The following C17orf67 variants were observed in gnomAD, a reference collection of about 807,000 sequenced individuals.
The protein encoded by C17orf67 is uncharacterized protein C17orf67.
Under a neutral mutation model 11.2 loss-of-function variants are expected in C17orf67, and 12 were observed. The ratio of observed to expected loss-of-function variants is 1.07; its 90% CI spans 0.68 to 1.73. The LOEUF is 1.73. C17orf67 is among the 40% of genes most tolerant of loss of function. C17orf67 has a pLI of 0.00. For missense variants in C17orf67, 115 were observed against 113.5 expected, an observed-to-expected ratio of 1.01 and a Z score of -0.06; for synonymous variants, 59 against 46.9, an observed-to-expected ratio of 1.26 and a Z score of -1.05.
chr17:56,796,054 T>C (rs1005742127), intron 6 of C17orf67, among the ~76,000 whole-genome samples: 1 of 152,196 alleles, frequency 6.6e-6, no homozygotes, highest in Admixed American at 6.5e-5. Flanking sequence ...GCTATGCTAA[T>C]ATCAAACAAA....
At chr17:56,814,599 C>T (rs1007532498) in intron 6 of C17orf67, among the ~76,000 whole-genome samples, 5 of 152,150 alleles carry the variant, frequency 3.3e-5, no homozygotes, top group Non-Finnish European at 7.4e-5. Flanking sequence ...ACAGGGGTGA[C>T]ATTCAGCAGC....
At chr17:56,814,011 A>G (rs1044786193) in intron 6 of C17orf67, among the ~76,000 whole-genome samples, 11 of 152,214 alleles carry the variant, frequency 7.2e-5, no homozygotes, top group Admixed American at 3.3e-4. Context: ...TATCTTAATA[A>G]GAGCCTTTAA....
At chr17:56,823,103 C>G (rs1183455307) in intron 4 of C17orf67, among the ~76,000 whole-genome samples, 1 of 152,214 alleles carries the variant, frequency 6.6e-6, no homozygotes, top group African/African-American at 2.4e-5. Context: ...AATAAACATA[C>G]TAGGGGAGTG....
chr17:56,816,997 G>A (rs925202768), intron 4 of C17orf67, among the ~76,000 whole-genome samples: 13 of 151,974 alleles, frequency 8.6e-5, no homozygotes, highest in African/African-American at 2.7e-4. Context: ...CTACAGGCAC[G>A]CACCACAACA....
At chr17:56,796,773 CCT>C (rs912741049) in intron 6 of C17orf67, among the ~76,000 whole-genome samples, 1 of 152,102 alleles carries the variant, frequency 6.6e-6, no homozygotes, top group African/African-American at 2.4e-5. Flanking sequence ...ACTCCTCACC[CCT>C]CTCTCTGTCC....
intron 7 of C17orf67, among the ~76,000 whole-genome samples, chr17:56,792,676 G>GTGGCAAT (rs1905128564): frequency 9.9e-6 from 1 of 101,226 alleles, no homozygotes; most frequent in Non-Finnish European, 2.5e-5. Flanking sequence ...GGTGATGATG[G>GTGGCAAT]GGTTGATGGT....
chr17:56,822,691 TAA>T (rs1905934544), intron 4 of C17orf67, among the ~76,000 whole-genome samples: 1 of 152,196 alleles, frequency 6.6e-6, no homozygotes, highest in South Asian at 2.1e-4. Context: ...TCACACGTAT[TAA>T]GACACACAAC....
chr17:56,815,073 AC>A lies in C17orf67; in HGVS notation c.56-105del. 5.2e-6 allele frequency: 5 copies of A among 968,682 alleles called. No individual in the cohort carries two copies. The South Asian group carries it at 6.6e-5, about 13-fold the overall frequency. 60.0% of individuals were successfully genotyped at this position (968,682 alleles called of 1,614,324 possible). A position where few individuals can be genotyped will look rare whatever the true frequency, so the allele number is the denominator to read the frequency against. On this transcript the variant is annotated intron_variant, in intron 5 of 7. Transcript: ENST00000397861. ...ATTTGCAAGTTCAATTTTGGTTAAAACATGAAAGTTCTTTCCCGGGGACCTG... is the reference window on the plus strand; with the variant it reads ...ATTTGCAAGTTCAATTTTGGTTAAAAATGAAAGTTCTTTCCCGGGGACCTG...
At chr17:56,800,342 G>A (rs541605364) in intron 6 of C17orf67, among the ~76,000 whole-genome samples, 2 of 152,310 alleles carry the variant, frequency 1.3e-5, no homozygotes, top group Non-Finnish European at 2.9e-5. Context: ...TGGGATTACA[G>A]GCGTGAGCCA....
chr17:56,810,247 T>C (rs1905586558), intron 6 of C17orf67, among the ~76,000 whole-genome samples: 1 of 131,790 alleles, frequency 7.6e-6, no homozygotes, highest in Non-Finnish European at 1.6e-5. Context: ...CTCACACACA[T>C]GCATCGCTCT....
At chr17:56,829,934 C>G (rs1424767555) in intron 2 of C17orf67, among the ~76,000 whole-genome samples, 2 of 152,162 alleles carry the variant, frequency 1.3e-5, no homozygotes, top group Non-Finnish European at 2.9e-5. Flanking sequence ...ACTTTGAAAA[C>G]AGATTTCATT....
intron 6 of C17orf67, among the ~76,000 whole-genome samples, chr17:56,810,379 A>G (rs2144129223): frequency 7.3e-6 from 1 of 137,328 alleles, no homozygotes; most frequent in Non-Finnish European, 1.6e-5. Context: ...TCCCTCACAC[A>G]CACAAACCCC....
chr17:56,806,577 T>G (rs1160701657), intron 6 of C17orf67, among the ~76,000 whole-genome samples: 1 of 152,164 alleles, frequency 6.6e-6, no homozygotes, highest in African/African-American at 2.4e-5. Context: ...TTACCCAGGT[T>G]GGAGTGCAGC....
intron 6 of C17orf67, among the ~76,000 whole-genome samples, chr17:56,800,347 G>A (rs965066846): frequency 1.3e-5 from 2 of 152,216 alleles, no homozygotes; most frequent in African/African-American, 2.4e-5. Flanking sequence ...TTACAGGCGT[G>A]AGCCACTGCG....
intron 4 of C17orf67, among the ~76,000 whole-genome samples, chr17:56,822,568 A>T (rs1358671056): frequency 1.3e-5 from 2 of 152,244 alleles, no homozygotes; most frequent in African/African-American, 4.8e-5. Flanking sequence ...CACATAATAA[A>T]AGTCTACTAC....
chr17:56,795,449 T>C (rs999680886), intron 6 of C17orf67, among the ~76,000 whole-genome samples: 5 of 152,202 alleles, frequency 3.3e-5, no homozygotes, highest in Non-Finnish European at 7.4e-5. Flanking sequence ...AAACATCTGA[T>C]TGCCTGCAAT....
At chr17:56,821,965 CCT>C (rs1213097452) in intron 4 of C17orf67, among the ~76,000 whole-genome samples, 5 of 152,322 alleles carry the variant, frequency 3.3e-5, no homozygotes, top group Admixed American at 6.5e-5. Context: ...GGCTACTGCC[CCT>C]TCAAGCTGAG....
At position 56,822,418 on chromosome 17, in the gene C17orf67, T is replaced by C. The variant is rs549295850; in HGVS notation, c.-201+2321A>G. The stretch of plus-strand genomic sequence containing the variant: ...TGCTGATTCTCAAACTTATTGCCTG[T>C]GTTACGTTGGAGCTGAGTGACATTG... On this transcript the variant is annotated intron_variant, in intron 4 of 7. Coordinates refer to ENST00000397861, the MANE Select transcript of C17orf67 (RefSeq NM_001085430.4). Among the ~76,000 whole-genome samples the C allele has an allele frequency of 8.5e-5, 13 of 152,316 alleles. No individual in the cohort carries two copies. In the East Asian group the frequency reaches 2.5e-3, roughly 29 times the overall value.
In C17orf67 at chr17:56,815,715, T is replaced by C. The variant is rs530882328; in HGVS notation, c.55+41A>G. ...ATATCAAATAGACTATTATTTATCA[T>C]GTCAGCATAGAAATAGGCTGTTTTT... On this transcript the variant is annotated intron_variant, in intron 5 of 7. Coordinates refer to ENST00000397861, the MANE Select transcript of C17orf67 (RefSeq NM_001085430.4). 137 of 1,545,872 alleles carry C rather than the reference T, an allele frequency of 8.9e-5. 1 individual carries two copies. In the South Asian group the frequency reaches 9.1e-4, roughly 10 times the overall value.
Sources: allele counts gnomAD v4.1 joint callset (sites outside exome capture counted in the v4.1 genomes callset), GRCh38; gene constraint gnomAD v4.1.1; transcripts MANE v1.5; gene names NCBI Gene and HGNC (gene_info 2026-07-23, HGNC 2026-07-21).